The following OSBPL5 variants were observed in gnomAD, a reference collection of about 807,000 sequenced individuals.
OSBPL5 encodes the protein oxysterol binding protein like 5.
In OSBPL5, 71 loss-of-function variants were observed where a neutral mutation model predicts 111.2. That is an observed-to-expected ratio of 0.64 (90% confidence interval 0.53 to 0.78). OSBPL5 has a LOEUF of 0.78. Among genes scored for constraint, OSBPL5 ranks in the 30% least tolerant of loss-of-function variants. The probability of loss-of-function intolerance (pLI) is 0.00; values close to 1 mark genes in which losing one functional copy is unlikely to be tolerated. For missense variants in OSBPL5, 1,210 were observed against 1,189.3 expected (o/e 1.02, Z -0.26); for synonymous variants, 549 against 513.9 (o/e 1.07, Z -0.93).
intron 21 of OSBPL5, 112 bp from the exon 22 acceptor site, chr11:3,088,455 G>C: frequency 8.1e-7 from 1 of 1,228,486 alleles, no homozygotes; most frequent in Non-Finnish European, 1.0e-6. Flanking sequence ...ACAGGGCCGA[G>C]GTGGAGATGG....
At chr11:3,132,009 G>C (rs868573634) in intron 1 of OSBPL5, among the ~76,000 whole-genome samples, 11 of 40,162 alleles carry the variant, frequency 2.7e-4, no homozygotes, top group Non-Finnish European at 2.7e-4. Flanking sequence ...TCCCTTTCAG[G>C]CATCCATCCA....
chr11:3,107,982 C>A lies in OSBPL5; in HGVS notation c.692-37G>T. The stretch of plus-strand genomic sequence containing the variant: ...ACGGGATGAGCATGCCCCACCCCCA[C>A]CTCTGTATATCCCGCATCCCCCAAG... On this transcript the variant is annotated intron_variant, in intron 7 of 21. Transcript: ENST00000263650. The surrounding 1 kb of genome is among the most constrained non-coding windows in gnomAD (Gnocchi z 6.1). 8.0e-7 allele frequency: 1 copy of A among 1,253,700 alleles called. No individual in the cohort carries two copies. Among genetic ancestry groups the A allele is most frequent in the East Asian group, 2.3e-5 (1 of 44,412 alleles). 77.7% of individuals were successfully genotyped at this position (1,253,700 alleles called of 1,614,324 possible). A position where few individuals can be genotyped will look rare whatever the true frequency, so the allele number is the denominator to read the frequency against.
At chr11:3,127,825 C>A (rs1416311313) in intron 2 of OSBPL5, among the ~76,000 whole-genome samples, 1 of 152,162 alleles carries the variant, frequency 6.6e-6, no homozygotes, top group Non-Finnish European at 1.5e-5. Flanking sequence ...CTCCTCACAG[C>A]CTGTCCACAC....
In OSBPL5 at chr11:3,105,941, C is replaced by T. The variant is rs1046205006; in HGVS notation, c.1059+1322G>A. On this transcript the variant is annotated intron_variant, in intron 9 of 21. Transcript: ENST00000263650. This position sits in a 1 kb window ranked among gnomAD's most constrained non-coding sequence, Gnocchi z 5.2. ...CCATCACAGCTGGGTCCAGGGTGTC[C>T]TCAGCTTTCTCCTAACAATGGGTCT... 2.6e-5 allele frequency among the ~76,000 whole-genome samples: 4 copies of T among 152,208 alleles called. No homozygotes were observed. The highest frequency in any genetic ancestry group is 5.9e-5 in the Non-Finnish European group (4 of 68,022).
chr11:3,093,722 CT>C, intron 16 of OSBPL5, 23 bp downstream of exon 16: 1 of 1,612,724 alleles, frequency 6.2e-7, no homozygotes, highest in Non-Finnish European at 8.5e-7. Flanking sequence ...CCGGCCGTGC[CT>C]GCCCTGAGGG....
chr11:3,119,576 A>G lies in OSBPL5; in HGVS notation c.662T>C (p.Leu221Pro). The stretch of plus-strand genomic sequence containing the variant: ...TGACTCGGAGGCGGCCCTGAAGATC[A>G]GGTAGCTGCTGGGCAGGGGCTGTGT... ...SITQPLPSSY[L>P]IFRAASESDG... Residue 221 changes from leucine (L) to proline (P), a missense_variant, in exon 7 of 22, where the codon CTG becomes CCG. Physicochemically the swap from Leu to Pro is moderately conservative, Grantham distance 98. Coordinates refer to ENST00000263650, the MANE Select transcript of OSBPL5 (RefSeq NM_020896.4). 2 of 1,579,336 alleles carry G rather than the reference A, an allele frequency of 1.3e-6. No homozygotes were observed. The highest frequency in any genetic ancestry group is 1.4e-5 in the African/African-American group (1 of 72,036).
At chr11:3,114,104 TA>T (rs1464164543) in intron 7 of OSBPL5, among the ~76,000 whole-genome samples, 1 of 152,208 alleles carries the variant, frequency 6.6e-6, no homozygotes, top group East Asian at 1.9e-4. Context: ...ACTATTTGGA[TA>T]TTTTCCAATA....
Position 3,126,456 on chromosome 11 carries a change from T to C in OSBPL5, c.219+17A>G, listed in dbSNP as rs2134468858. ...CCAGGCTCTGGCTCATGGATCCTCCTATACCCAGGCTCTTACCGGTGGCAC... is the reference window on the plus strand; with the variant it reads ...CCAGGCTCTGGCTCATGGATCCTCCCATACCCAGGCTCTTACCGGTGGCAC... On this transcript the variant is annotated intron_variant, in intron 3 of 21. Coordinates refer to ENST00000263650, the MANE Select transcript of OSBPL5 (RefSeq NM_020896.4). This position sits in a 1 kb window ranked among gnomAD's most constrained non-coding sequence, Gnocchi z 6.5. The C allele has an allele frequency of 6.2e-7, 1 of 1,603,528 alleles. No individual in the cohort carries two copies.
chr11:3,152,722 G>A (rs1237999211), intron 1 of OSBPL5, among the ~76,000 whole-genome samples: 1 of 152,252 alleles, frequency 6.6e-6, no homozygotes, highest in African/African-American at 2.4e-5. Context: ...AGAGCTGGGT[G>A]CGAGTGGGCG....
chr11:3,098,255 C>T (rs138062382), intron 14 of OSBPL5, among the ~76,000 whole-genome samples: 59 of 150,262 alleles, frequency 3.9e-4, no homozygotes, highest in Admixed American at 2.0e-3. Context: ...ATAAGAGATA[C>T]GATGGAAACA....
intron 2 of OSBPL5, among the ~76,000 whole-genome samples, chr11:3,127,966 G>A (rs1241771329): frequency 6.6e-6 from 1 of 152,180 alleles, no homozygotes; most frequent in Non-Finnish European, 1.5e-5. Flanking sequence ...CAGCAGCTGG[G>A]ACCCAGCCCT....
intron 7 of OSBPL5, among the ~76,000 whole-genome samples, chr11:3,114,872 G>C (rs959655752): frequency 3.9e-5 from 6 of 152,006 alleles, no homozygotes; most frequent in African/African-American, 7.3e-5. Flanking sequence ...AAAGTGCTGG[G>C]ATTACAGGCA....
In OSBPL5 at chr11:3,103,819, C is replaced by CCTCT. The variant is rs1564830449; in HGVS notation, c.1244+373_1244+374insAGAG. On this transcript the variant is annotated intron_variant, in intron 10 of 21. Transcript: ENST00000263650. ...GCCTCTGCAGCCCTCTTCCTGCCTG[C>CCTCT]GCAGCCCCCTTCCAGCCTCTGCAGC... 4.3e-4 allele frequency among the ~76,000 whole-genome samples: 19 copies of CCTCT among 44,060 alleles called. 2 individuals are homozygous for CCTCT. The highest frequency in any genetic ancestry group is 7.8e-4 in the African/African-American group (15 of 19,216). The allele number at this position is 44,060 out of a possible 152,430, so 28.9% of individuals were successfully genotyped here. A position where few individuals can be genotyped will look rare whatever the true frequency, so the allele number is the denominator to read the frequency against.
rs1846117322 is a variant in OSBPL5 at position 3,141,576 on chromosome 11, G to A, written c.-21-12407C>T. Among the ~76,000 whole-genome samples the A allele has an allele frequency of 6.6e-6, 1 of 152,210 alleles. No homozygotes were observed. The highest frequency in any genetic ancestry group is 1.5e-5 in the Non-Finnish European group (1 of 68,034). ...ATTAATGGGGTCCATTATGGCCCGA[G>A]TTGCGCAGAGAGGACAGGGAGGGGC... On this transcript the variant is annotated intron_variant, in intron 1 of 21. Transcript: ENST00000263650. This position sits in a 1 kb window ranked among gnomAD's most constrained non-coding sequence, Gnocchi z 6.5.
rs1331943181 is a variant in OSBPL5, at chr11:3,092,524, G to C, written c.2167C>G (p.Gln723Glu). The C allele has an allele frequency of 1.3e-6, 2 of 1,589,118 alleles. No homozygotes were observed. Among genetic ancestry groups the C allele is most frequent in the Non-Finnish European group, 1.7e-6 (2 of 1,168,052 alleles). Residue 723 changes from glutamine (Q) to glutamate (E), a missense_variant, in exon 19 of 22, where the codon CAG becomes GAG. Coordinates refer to ENST00000263650, the MANE Select transcript of OSBPL5 (RefSeq NM_020896.4). The surrounding 1 kb of genome is among the most constrained non-coding windows in gnomAD (Gnocchi z 5.4). ...CGCAGGATCCCGTCTTGCTCAAACT[G>C]GGCGATGTCCTTCAGGGGGTCCCAG... ...SPWDPLKDIA[Q>E]FEQDGILRTL...
In OSBPL5 at chr11:3,126,328, C is replaced by T. The variant is rs969976069; in HGVS notation, c.219+145G>A. The T allele has an allele frequency of 3.1e-6, 2 of 638,918 alleles. No homozygotes were observed. The highest frequency in any genetic ancestry group is 6.4e-5 in the East Asian group (2 of 31,182). 39.6% of individuals were successfully genotyped at this position (638,918 alleles called of 1,614,324 possible). A position where few individuals can be genotyped will look rare whatever the true frequency, so the allele number is the denominator to read the frequency against. ...CACCAGCAGCCCTCCCGGAGCAGCA[C>T]AGTCTAGGATTGGGAGCTGTTTCCC... On this transcript the variant is annotated intron_variant, in intron 3 of 21. Transcript: ENST00000263650. The surrounding 1 kb of genome is among the most constrained non-coding windows in gnomAD (Gnocchi z 6.5).
chr11:3,155,004 AGAG>A (rs1236969669), intron 1 of OSBPL5, among the ~76,000 whole-genome samples: 1 of 152,218 alleles, frequency 6.6e-6, no homozygotes, highest in Non-Finnish European at 1.5e-5. Flanking sequence ...CCTTATAAAA[AGAG>A]GAGATGAGGA....
In OSBPL5 at chr11:3,105,800, C is replaced by T. The variant is rs373990944; in HGVS notation, c.1060-1423G>A. On this transcript the variant is annotated intron_variant, in intron 9 of 21. Transcript: ENST00000263650. The surrounding 1 kb of genome is among the most constrained non-coding windows in gnomAD (Gnocchi z 5.2). The stretch of plus-strand genomic sequence containing the variant: ...TGCCCTCTGCCCGGAGCCCCAGGCT[C>T]GCACCTGCAGCAGCCCGCTCTGCCT... 6.6e-6 allele frequency among the ~76,000 whole-genome samples: 1 copy of T among 152,202 alleles called. No homozygotes were observed. The highest frequency in any genetic ancestry group is 1.5e-5 in the Non-Finnish European group (1 of 68,026).
Position 3,162,606 on chromosome 11 carries a change from C to A in OSBPL5, c.-22+2610G>T, listed in dbSNP as rs1034823526. ...ACTCGACCGCCAACCCTACCACTCT[C>A]CGGAGCAGCTTCACTATCTGCCCAT... is the stretch of plus-strand genomic sequence containing the variant. On this transcript the variant is annotated intron_variant, in intron 1 of 21. Coordinates refer to ENST00000263650, the MANE Select transcript of OSBPL5 (RefSeq NM_020896.4). This position sits in a 1 kb window ranked among gnomAD's most constrained non-coding sequence, Gnocchi z 8.1. 1.3e-5 allele frequency among the ~76,000 whole-genome samples: 2 copies of A among 152,010 alleles called. No homozygotes were observed. The highest frequency in any genetic ancestry group is 4.8e-5 in the African/African-American group (2 of 41,368).
Sources: allele counts gnomAD v4.1 joint callset (sites outside exome capture counted in the v4.1 genomes callset), GRCh38; gene constraint gnomAD v4.1.1; non-coding constraint Gnocchi (gnomAD v3.1); transcripts MANE v1.5; gene names NCBI Gene and HGNC (gene_info 2026-07-23, HGNC 2026-07-21).